SPAG16: variants seen among roughly 807,000 people sequenced by gnomAD.
SPAG16 encodes the protein sperm associated antigen 16, also known as sperm-associated antigen 16 protein.
SPAG16 carries 86 observed loss-of-function variants against 80.4 expected under a neutral mutation model. That is an observed-to-expected ratio of 1.07 (90% CI 0.90 to 1.28). The LOEUF is 1.28. Ranked by LOEUF, SPAG16 falls within the 50% of genes most tolerant of loss-of-function variation. The pLI is 0.00. For missense variants in SPAG16, 870 were observed against 765.3 expected, an observed-to-expected ratio of 1.14 and a Z score of -1.61; for synonymous variants, 294 against 265.9, an observed-to-expected ratio of 1.11 and a Z score of -1.03.
In SPAG16 at chr2:213,697,112, A is replaced by C. The variant is rs531003173; in HGVS notation, c.1071-165373A>C. 2.6e-5 allele frequency among the ~76,000 whole-genome samples: 4 copies of C among 152,292 alleles called. No individual in the cohort carries two copies. The East Asian group carries it at 7.7e-4, about 29-fold the overall frequency. On this transcript the variant is annotated intron_variant, in intron 10 of 15. Coordinates refer to ENST00000331683, the MANE Select transcript of SPAG16 (RefSeq NM_024532.5). Reference sequence around the variant, plus strand: ...CACTTCATTTATTGTAAAAGAAAGAAAGGGGATGGGTAGAAGTTTAGGTAG... The same window carrying C: ...CACTTCATTTATTGTAAAAGAAAGACAGGGGATGGGTAGAAGTTTAGGTAG...
chr2:214,115,302 A>G (rs924483235), intron 14 of SPAG16, among the ~76,000 whole-genome samples: 2 of 152,232 alleles, frequency 1.3e-5, no homozygotes, highest in African/African-American at 2.4e-5. Context: ...CAAACAAACT[A>G]TTAAAGTTGT....
At chr2:214,309,426 T>A (rs1576743574) in intron 15 of SPAG16, among the ~76,000 whole-genome samples, 1 of 152,210 alleles carries the variant, frequency 6.6e-6, no homozygotes, top group African/African-American at 2.4e-5. Flanking sequence ...TTAAACCCTC[T>A]CTGAAGAGGT....
chr2:214,264,387 A>G (rs1691396777), intron 15 of SPAG16, among the ~76,000 whole-genome samples: 2 of 152,156 alleles, frequency 1.3e-5, no homozygotes, highest in South Asian at 4.1e-4. Context: ...CATTTCTGCT[A>G]TGCTCACTAA....
chr2:213,881,428 T>G (rs1308713770), intron 11 of SPAG16, among the ~76,000 whole-genome samples: 1 of 152,228 alleles, frequency 6.6e-6, no homozygotes, highest in Non-Finnish European at 1.5e-5. Context: ...ATACTTTGAC[T>G]TCTTCTTTTT....
intron 10 of SPAG16, among the ~76,000 whole-genome samples, chr2:213,756,599 G>A (rs1317991152): frequency 6.6e-6 from 1 of 152,176 alleles, no homozygotes. Flanking sequence ...CTTGTCTATA[G>A]CCACTGCATT....
rs182262981 is a variant in SPAG16, at chr2:214,247,074, T to A, written c.1720+97808T>A. Among the ~76,000 whole-genome samples the A allele has an allele frequency of 2.5e-3, 379 of 152,176 alleles. 2 individuals are homozygous for A. Among genetic ancestry groups the A allele is most frequent in the Non-Finnish European group, 2.9e-3 (198 of 67,992 alleles). ...ATCATAGGAGTAAACCACTTGTAAA[T>A]TGTAATTGAAAATGTAATTTTTGAG... On this transcript the variant is annotated intron_variant, in intron 15 of 15. Coordinates refer to ENST00000331683, the MANE Select transcript of SPAG16 (RefSeq NM_024532.5).
intron 13 of SPAG16, among the ~76,000 whole-genome samples, chr2:214,055,523 CT>C (rs1370221564): frequency 6.6e-6 from 1 of 152,096 alleles, no homozygotes; most frequent in Admixed American, 6.6e-5. Flanking sequence ...TTTTCTCCTT[CT>C]TTAACTTCTT....
intron 10 of SPAG16, among the ~76,000 whole-genome samples, chr2:213,649,402 C>T (rs1014759622): frequency 3.3e-5 from 5 of 152,136 alleles, no homozygotes; most frequent in Non-Finnish European, 5.9e-5. Flanking sequence ...CTCACGCTGT[C>T]GCAATGTTTG....
intron 9 of SPAG16, among the ~76,000 whole-genome samples, chr2:213,436,903 A>G (rs1298463591): frequency 1.3e-5 from 2 of 151,920 alleles, no homozygotes; most frequent in African/African-American, 4.8e-5. Flanking sequence ...CTACGCAAAA[A>G]TGATAAACTC....
chr2:214,321,470 C>T (rs1044489504), intron 15 of SPAG16, among the ~76,000 whole-genome samples: 2 of 152,196 alleles, frequency 1.3e-5, no homozygotes, highest in Non-Finnish European at 2.9e-5. Context: ...TGCCCAGGAA[C>T]ACAAAGTGTG....
chr2:214,177,231 C>T (rs1461108628), intron 15 of SPAG16, among the ~76,000 whole-genome samples: 1 of 151,084 alleles, frequency 6.6e-6, no homozygotes, highest in African/African-American at 2.4e-5. Flanking sequence ...ATACCATTGC[C>T]TAAGCTCAAA....
At chr2:213,867,535 T>C (rs1202883597) in intron 11 of SPAG16, among the ~76,000 whole-genome samples, 1 of 152,192 alleles carries the variant, frequency 6.6e-6, no homozygotes, top group Non-Finnish European at 1.5e-5. Context: ...TGTTATAATA[T>C]CTGAAAAACA....
intron 13 of SPAG16, among the ~76,000 whole-genome samples, chr2:214,070,524 T>C (rs1014905828): frequency 6.6e-5 from 10 of 152,078 alleles, no homozygotes; most frequent in African/African-American, 2.4e-4. Flanking sequence ...CAATTTTTTT[T>C]CTAGTCGGTT....
At chr2:213,924,028 C>T in intron 11 of SPAG16, 1 of 152,272 alleles carries the variant, frequency 6.6e-6, no homozygotes, top group East Asian at 1.9e-4. Context: ...GCCTGCCTAG[C>T]AGTGGTGGGG....
chr2:213,325,046 A>G (rs2063785185), intron 5 of SPAG16, among the ~76,000 whole-genome samples: 1 of 152,122 alleles, frequency 6.6e-6, no homozygotes, highest in Admixed American at 6.5e-5. Context: ...TCTACAAAGC[A>G]TTTATCCTGC....
chr2:214,091,456 G>A (rs1284871267), intron 13 of SPAG16, among the ~76,000 whole-genome samples: 1 of 152,036 alleles, frequency 6.6e-6, no homozygotes, highest in Non-Finnish European at 1.5e-5. Context: ...TTTATGCTGG[G>A]TCTTTCTCAA....
rs373737979 is a variant in SPAG16, at chr2:213,832,909, G to A, written c.1071-29576G>A. On this transcript the variant is annotated intron_variant, in intron 10 of 15. Transcript: ENST00000331683. The stretch of plus-strand genomic sequence containing the variant: ...CATGACCAAGTGATAGGCGAGGAAA[G>A]GTATCAAACCATTCCACCTCTACAC... 4.5e-4 allele frequency among the ~76,000 whole-genome samples: 69 copies of A among 152,108 alleles called. 1 individual carries two copies. The South Asian group carries it at 0.014, about 31-fold the overall frequency.
At chr2:214,048,292 A>C (rs2049450040) in intron 13 of SPAG16, among the ~76,000 whole-genome samples, 1 of 152,172 alleles carries the variant, frequency 6.6e-6, no homozygotes, top group Non-Finnish European at 1.5e-5. Flanking sequence ...GAAGCAACCT[A>C]AGTGCCCATC....
intron 10 of SPAG16, among the ~76,000 whole-genome samples, chr2:213,779,364 T>C (rs1176037882): frequency 6.6e-6 from 1 of 152,210 alleles, no homozygotes; most frequent in African/African-American, 2.4e-5. Context: ...TAGAGTAACC[T>C]TAACCTAAAA....
Sources: allele counts gnomAD v4.1 joint callset (sites outside exome capture counted in the v4.1 genomes callset), GRCh38; gene constraint gnomAD v4.1.1; transcripts MANE v1.5; gene names NCBI Gene and HGNC (gene_info 2026-07-23, HGNC 2026-07-21).